DLG2: variants seen among roughly 807,000 people sequenced by gnomAD.
The protein encoded by DLG2 is discs large MAGUK scaffold protein 2.
DLG2 carries 45 observed loss-of-function variants against 132.5 expected under a neutral mutation model. The observed-to-expected ratio is 0.34, with a 90% CI of 0.27 to 0.44. The LOEUF (loss-of-function observed/expected upper bound fraction) is 0.44. Ranked by LOEUF, DLG2 falls within the 20% of genes least tolerant of loss-of-function variation. The pLI, the probability that DLG2 is intolerant of heterozygous loss-of-function variation, is 1.00. For synonymous variants in DLG2, 424 were observed against 419.6 expected, an observed-to-expected ratio of 1.01 and a Z score of -0.13; for missense variants, 1,045 against 1,196.9, an observed-to-expected ratio of 0.87 and a Z score of 1.87.
At chr11:83,904,087 CT>C (rs2074144385) in intron 15 of DLG2, among the ~76,000 whole-genome samples, 2 of 152,140 alleles carry the variant, frequency 1.3e-5, no homozygotes, top group South Asian at 2.1e-4. Context: ...ATCACAAGCA[CT>C]GCAATACTGC....
chr11:84,537,388 G>C (rs1324255749), intron 6 of DLG2, among the ~76,000 whole-genome samples: 2 of 152,084 alleles, frequency 1.3e-5, no homozygotes, highest in African/African-American at 4.8e-5. Flanking sequence ...TTACAGGCGT[G>C]AGCCACCGCA....
At chr11:83,965,238 T>C in intron 13 of DLG2, 86 bp downstream of exon 13, 1 of 1,396,172 alleles carries the variant, frequency 7.2e-7, no homozygotes, top group Non-Finnish European at 9.7e-7. Flanking sequence ...AGAGGGAAGG[T>C]ACAAGTAGAA....
At chr11:84,421,559 T>A (rs2098950896) in intron 7 of DLG2, among the ~76,000 whole-genome samples, 1 of 152,134 alleles carries the variant, frequency 6.6e-6, no homozygotes, top group Non-Finnish European at 1.5e-5. Context: ...TCTAATACAC[T>A]CTCCACATTC....
At chr11:84,873,377 C>A (rs2085798026) in intron 6 of DLG2, among the ~76,000 whole-genome samples, 1 of 152,216 alleles carries the variant, frequency 6.6e-6, no homozygotes, top group Non-Finnish European at 1.5e-5. Flanking sequence ...GAACACAGCC[C>A]TGCTGGCACC....
rs576996521 is a variant in DLG2 at position 84,568,428 on chromosome 11, A to C, written c.358-33697T>G. On this transcript the variant is annotated intron_variant, in intron 6 of 27. Coordinates refer to ENST00000376104, the MANE Select transcript of DLG2 (RefSeq NM_001142699.3). ...AGGCTGAGGCATGAGAACTACTTGA[A>C]CCCTGGAGGTGGAGGTTGCAGTGAG... 4.6e-5 allele frequency among the ~76,000 whole-genome samples: 7 copies of C among 152,254 alleles called. No individual in the cohort carries two copies. The South Asian group carries it at 1.0e-3, about 23-fold the overall frequency.
At chr11:85,177,493 G>A (rs1014711566) in intron 4 of DLG2, among the ~76,000 whole-genome samples, 1 of 151,940 alleles carries the variant, frequency 6.6e-6, no homozygotes, top group Admixed American at 6.6e-5. Flanking sequence ...ACACATGCAG[G>A]GGAACAACAC....
intron 6 of DLG2, among the ~76,000 whole-genome samples, chr11:85,106,923 G>T (rs2071847953): frequency 6.6e-6 from 1 of 151,908 alleles, no homozygotes; most frequent in South Asian, 2.1e-4. Flanking sequence ...GCTTTCTATA[G>T]ACCATTATTA....
intron 3 of DLG2, among the ~76,000 whole-genome samples, chr11:85,462,608 A>C (rs1174053612): frequency 6.6e-6 from 1 of 152,072 alleles, no homozygotes; most frequent in East Asian, 1.9e-4. Context: ...CAATGAGAAC[A>C]CATGGACACA....
At chr11:84,411,399 G>C (rs898378550) in intron 7 of DLG2, among the ~76,000 whole-genome samples, 1 of 152,130 alleles carries the variant, frequency 6.6e-6, no homozygotes, top group African/African-American at 2.4e-5. Context: ...CTGGTTACTA[G>C]AGCTAAAAAA....
intron 3 of DLG2, among the ~76,000 whole-genome samples, chr11:85,381,357 A>T (rs2085872687): frequency 6.6e-6 from 1 of 152,216 alleles, no homozygotes; most frequent in Non-Finnish European, 1.5e-5. Flanking sequence ...TTCAACATGA[A>T]TAAAGGGTAT....
intron 7 of DLG2, among the ~76,000 whole-genome samples, chr11:84,359,386 C>A (rs1437690158): frequency 6.6e-6 from 1 of 151,852 alleles, no homozygotes; most frequent in Non-Finnish European, 1.5e-5. Context: ...TGGTTCACTG[C>A]AGAATTACTG....
chr11:84,279,749 G>A (rs1304989636), intron 7 of DLG2, among the ~76,000 whole-genome samples: 1 of 152,174 alleles, frequency 6.6e-6, no homozygotes, highest in Non-Finnish European at 1.5e-5. Flanking sequence ...ATAAGTAGGA[G>A]TTGAACAATG....
intron 7 of DLG2, among the ~76,000 whole-genome samples, chr11:84,342,594 C>G (rs1291843602): frequency 6.6e-6 from 1 of 151,998 alleles, no homozygotes; most frequent in Non-Finnish European, 1.5e-5. Context: ...TAATATCTAC[C>G]TATTAGGTTT....
At chr11:84,628,891 G>A (rs77862646) in intron 6 of DLG2, among the ~76,000 whole-genome samples, 19 of 152,302 alleles carry the variant, frequency 1.2e-4, no homozygotes, top group Non-Finnish European at 2.4e-4. Context: ...GCATAATTGA[G>A]TGAAATGATG....
intron 7 of DLG2, among the ~76,000 whole-genome samples, chr11:84,479,040 A>G (rs375337717): frequency 7.2e-5 from 11 of 152,138 alleles, no homozygotes; most frequent in East Asian, 5.8e-4. Flanking sequence ...CATGGTACAT[A>G]AAATGACAAT....
chr11:85,621,438 C>T (rs7943586), intron 2 of DLG2, among the ~76,000 whole-genome samples: 28,955 of 152,074 alleles, frequency 0.19, 3,710 homozygotes, highest in African/African-American at 0.35. Context: ...ACAGTGATTC[C>T]CTGATAGATC....
In DLG2 at chr11:83,977,979, T is replaced by C. The variant is rs570631623; in HGVS notation, c.1056+2527A>G. On this transcript the variant is annotated intron_variant, in intron 12 of 27. Transcript: ENST00000376104. Reference sequence around the variant, plus strand: ...GGAATAGAAATATTCTATTTACCAGTGCTAAGGCTTTTTCACAAAACCAGG... The same window carrying C: ...GGAATAGAAATATTCTATTTACCAGCGCTAAGGCTTTTTCACAAAACCAGG... Among the ~76,000 whole-genome samples, 126 of 152,242 alleles carry C rather than the reference T, an allele frequency of 8.3e-4. 2 individuals are homozygous for C. Among genetic ancestry groups the C allele is most frequent in the African/African-American group, 2.8e-3 (116 of 41,572 alleles).
In DLG2 at chr11:84,587,715, C is replaced by T. The variant is rs922264466; in HGVS notation, c.358-52984G>A. On this transcript the variant is annotated intron_variant, in intron 6 of 27. Coordinates refer to ENST00000376104, the MANE Select transcript of DLG2 (RefSeq NM_001142699.3). ...TGGTCAGATTCACTCCTGCAGTGAT[C>T]GGCAAAATACTCCTAGAATTTAGCT... Among the ~76,000 whole-genome samples the T allele has an allele frequency of 3.9e-5, 6 of 152,048 alleles. No homozygotes were observed. In the South Asian group the frequency reaches 6.2e-4, roughly 16 times the overall value.
intron 18 of DLG2, among the ~76,000 whole-genome samples, chr11:83,657,002 A>C (rs2153534000): frequency 6.6e-6 from 1 of 152,272 alleles, no homozygotes; most frequent in South Asian, 2.1e-4. Flanking sequence ...AATCCTACTC[A>C]GTCATCCAAG....
Sources: gnomAD v4.1 joint callset for allele counts (sites outside exome capture counted in the v4.1 genomes callset) on GRCh38, gnomAD v4.1.1 for gene constraint, MANE v1.5 for transcripts, NCBI Gene and HGNC (gene_info 2026-07-23, HGNC 2026-07-21) for gene names.